RDH12: variants seen among roughly 807,000 people sequenced by gnomAD.
RDH12 encodes retinol dehydrogenase 12, also known as all-trans and 9-cis retinol dehydrogenase.
Under a neutral mutation model 34.0 loss-of-function variants are expected in RDH12, and 21 were observed. The observed-to-expected ratio is 0.62, with a 90% confidence interval of 0.44 to 0.89. The LOEUF (loss-of-function observed/expected upper bound fraction) is 0.89, where lower values mean the gene tolerates loss of function less well. Ranked by LOEUF, RDH12 falls within the 40% of genes least tolerant of loss-of-function variation. The pLI, the probability that RDH12 is intolerant of heterozygous loss-of-function variation, is 0.00. For missense variants in RDH12, 394 were observed against 398.6 expected (o/e 0.99, Z 0.10); for synonymous variants, 198 against 169.9 (o/e 1.17, Z -1.29).
chr14:67,715,989 A>G (rs1260459914), intron 1 of RDH12, among the ~76,000 whole-genome samples: 2 of 152,110 alleles, frequency 1.3e-5, no homozygotes, highest in Non-Finnish European at 2.9e-5. Context: ...AGGTCAAGAG[A>G]TAGAGACCAT....
At chr14:67,726,623 A>G (rs1275520343) in intron 6 of RDH12, among the ~76,000 whole-genome samples, 1 of 152,130 alleles carries the variant, frequency 6.6e-6, no homozygotes, top group Non-Finnish European at 1.5e-5. Context: ...ATGTTTTCTG[A>G]TCCTAAGCAA....
intron 1 of RDH12, among the ~76,000 whole-genome samples, chr14:67,708,585 A>C (rs575672928): frequency 1.3e-5 from 2 of 152,326 alleles, no homozygotes; most frequent in Non-Finnish European, 2.9e-5. Flanking sequence ...CATAACAATT[A>C]TAATTATTAC....
chr14:67,719,767 A>G (rs867984054), intron 1 of RDH12, among the ~76,000 whole-genome samples: 6 of 152,196 alleles, frequency 3.9e-5, no homozygotes, highest in Non-Finnish European at 8.8e-5. Flanking sequence ...TGTAAGCCAC[A>G]GTGCCCAACC....
Position 67,722,506 on chromosome 14 carries a change from C to T in RDH12, c.-137C>T, listed in dbSNP as rs113446272. The T allele has an allele frequency of 1.0e-5, 8 of 798,874 alleles. No homozygotes were observed. The highest frequency in any genetic ancestry group is 5.0e-5 in the African/African-American group (3 of 59,518). 49.5% of individuals were successfully genotyped at this position (798,874 alleles called of 1,614,324 possible). A position where few individuals can be genotyped will look rare whatever the true frequency, so the allele number is the denominator to read the frequency against. ...GGCTCTGCTCAGAGTCAGGCTGCTGCTCAGCACCCAGGACGGAGAGGAGCA... is the reference window on the plus strand; with the variant it reads ...GGCTCTGCTCAGAGTCAGGCTGCTGTTCAGCACCCAGGACGGAGAGGAGCA... On this transcript the variant is annotated 5_prime_UTR_variant, in exon 3 of 9. Coordinates refer to ENST00000551171, the MANE Select transcript of RDH12 (RefSeq NM_152443.3).
intron 1 of RDH12, among the ~76,000 whole-genome samples, chr14:67,703,435 A>G (rs1040143170): frequency 1.3e-5 from 2 of 152,244 alleles, no homozygotes; most frequent in Admixed American, 1.3e-4. Context: ...AAAATTTCTA[A>G]GTCTTCTTAA....
chr14:67,711,638 T>C (rs2038009568), intron 1 of RDH12, among the ~76,000 whole-genome samples: 1 of 152,354 alleles, frequency 6.6e-6, no homozygotes, highest in African/African-American at 2.4e-5. Context: ...GTACATCTTA[T>C]AGATTCATAA....
At chr14:67,728,447 C>T (rs1301040312) in intron 7 of RDH12, among the ~76,000 whole-genome samples, 1 of 152,146 alleles carries the variant, frequency 6.6e-6, no homozygotes, top group Non-Finnish European at 1.5e-5. Flanking sequence ...GATTCAAATG[C>T]AGACAGTCCA....
At chr14:67,714,444 A>AT (rs2038045023) in intron 1 of RDH12, 1 of 152,054 alleles carries the variant, frequency 6.6e-6, no homozygotes, top group African/African-American at 2.4e-5. Flanking sequence ...GCTTTGTTTT[A>AT]TTTTTGTACC....
chr14:67,713,742 C>T (rs539411909), intron 1 of RDH12, among the ~76,000 whole-genome samples: 6 of 152,232 alleles, frequency 3.9e-5, no homozygotes, highest in Non-Finnish European at 7.4e-5. Context: ...GACATGTGTC[C>T]AGGATGGTCA....
At chr14:67,713,147 TG>T in intron 1 of RDH12, among the ~76,000 whole-genome samples, 1 of 152,096 alleles carries the variant, frequency 6.6e-6, no homozygotes, top group East Asian at 1.9e-4. Context: ...ACCAGCTTTT[TG>T]TTAACTTTAG....
chr14:67,708,683 C>A (rs936556781), intron 1 of RDH12, among the ~76,000 whole-genome samples: 1 of 152,052 alleles, frequency 6.6e-6, no homozygotes, highest in Non-Finnish European at 1.5e-5. Flanking sequence ...ACAAATACAG[C>A]CCAAAGAAAA....
At chr14:67,727,697 G>A (rs1055346782) in intron 7 of RDH12, 3 of 190,514 alleles carry the variant, frequency 1.6e-5, no homozygotes, top group African/African-American at 7.2e-5. Context: ...GTCCAGGTTG[G>A]TCTCAAACTC....
At chr14:67,707,616 A>G (rs2140109256) in intron 1 of RDH12, among the ~76,000 whole-genome samples, 1 of 152,262 alleles carries the variant, frequency 6.6e-6, no homozygotes, top group East Asian at 1.9e-4. Flanking sequence ...TTTAGTAGAG[A>G]TGGGATTTCA....
rs1406199807 is a variant in RDH12, at chr14:67,732,868, A to C, written c.849-878A>C. On this transcript the variant is annotated intron_variant, in intron 8 of 8. Transcript: ENST00000551171. ...AGTCCTGGGATTACAGGTGTGAGCCACCGTGCCCAGCCGTGATAGGCTTTT... is the reference window on the plus strand; with the variant it reads ...AGTCCTGGGATTACAGGTGTGAGCCCCCGTGCCCAGCCGTGATAGGCTTTT... 3.3e-5 allele frequency among the ~76,000 whole-genome samples: 5 copies of C among 152,192 alleles called. No homozygotes were observed. In the South Asian group the frequency reaches 1.0e-3, roughly 31 times the overall value.
Position 67,727,044 on chromosome 14 carries a change from T to C in RDH12, c.512T>C (p.Val171Ala). 1 of 1,613,922 alleles carries C rather than the reference T, an allele frequency of 6.2e-7. No homozygotes were observed. Among genetic ancestry groups the C allele is most frequent in the Non-Finnish European group, 8.5e-7 (1 of 1,180,040 alleles). ...AAGGTGTCTGCCCCTGCACGGGTGG[T>C]TAATGTGTCCTCGGTGGCTCACCAC... ...RLKVSAPARVVNVSSVAHHIG... is the reference protein window; with the variant it reads ...RLKVSAPARVANVSSVAHHIG... Residue 171 changes from valine to alanine, a missense_variant, in exon 7 of 9, where the codon GTT becomes GCT. Coordinates refer to ENST00000551171, the MANE Select transcript of RDH12 (RefSeq NM_152443.3).
At chr14:67,728,173 G>C (rs1269301954) in intron 7 of RDH12, 1 of 152,224 alleles carries the variant, frequency 6.6e-6, no homozygotes, top group Admixed American at 6.5e-5. Flanking sequence ...ATTTGTTACA[G>C]TGAATAAGCC....
At chr14:67,729,439 G>A in intron 8 of RDH12, 59 bp downstream of exon 8, 1 of 1,528,596 alleles carries the variant, frequency 6.5e-7, no homozygotes, top group South Asian at 1.1e-5. Context: ...TGCCGGACTC[G>A]CTGGGCTGTT....
chr14:67,707,059 A>G (rs866521625), intron 1 of RDH12, among the ~76,000 whole-genome samples: 29 of 152,352 alleles, frequency 1.9e-4, no homozygotes, highest in Middle Eastern at 3.4e-3. Context: ...CGGTTTATGT[A>G]TGTAAATAGG....
intron 1 of RDH12, among the ~76,000 whole-genome samples, chr14:67,702,990 GT>G (rs35021040): frequency 1.1e-4 from 17 of 149,140 alleles, no homozygotes; most frequent in South Asian, 6.4e-4. Context: ...ACTTAAAAAA[GT>G]TTTTTTTTTG....
Sources: allele counts gnomAD v4.1 joint callset (sites outside exome capture counted in the v4.1 genomes callset), GRCh38; gene constraint gnomAD v4.1.1; transcripts MANE v1.5; gene names NCBI Gene and HGNC (gene_info 2026-07-23, HGNC 2026-07-21).